EXOC6: variants seen among roughly 807,000 people sequenced by gnomAD.
EXOC6 encodes the protein exocyst complex component 6.
Under a neutral mutation model 112.5 loss-of-function variants are expected in EXOC6, and 60 were observed. The observed-to-expected ratio is 0.53, with a 90% CI of 0.43 to 0.66. The LOEUF is 0.66. Ranked by LOEUF, EXOC6 falls within the 30% of genes least tolerant of loss-of-function variation. The pLI, the probability that EXOC6 is intolerant of heterozygous loss-of-function variation, is 0.00. For missense variants in EXOC6, 855 were observed against 957.1 expected, an observed-to-expected ratio of 0.89 and a Z score of 1.41; for synonymous variants, 295 against 308.0, an observed-to-expected ratio of 0.96 and a Z score of 0.44.
intron 19 of EXOC6, among the ~76,000 whole-genome samples, chr10:93,005,731 G>C (rs1843947223): frequency 6.6e-6 from 1 of 152,190 alleles, no homozygotes; most frequent in South Asian, 2.1e-4. Flanking sequence ...TTTAACATCT[G>C]AAATCTGTAG....
Position 92,955,609 on chromosome 10 carries a change from C to A in EXOC6, c.1668C>A (p.His556Gln), listed in dbSNP as rs137914626. ...ELVQIIINTT[H>Q]LEQACKYLED... ...TACAAATCATCATAAACACAACACA[C>A]CTGGAGCAAGCTTGTAAATATCTTG... Residue 556 changes from histidine (H) to glutamine (Q), a missense_variant, in exon 17 of 22, where the codon CAC (histidine) becomes CAA (glutamine). His to Gln is a conservative substitution (Grantham distance 24). Around this residue, in one of 2 missense-constraint regions of EXOC6, gnomAD observed 450 missense variants for 563.5 expected, o/e 0.80. Coordinates refer to ENST00000260762, the MANE Select transcript of EXOC6 (RefSeq NM_019053.6). 149 of 1,611,220 alleles carry A rather than the reference C, an allele frequency of 9.2e-5. No homozygotes were observed. Among genetic ancestry groups the A allele is most frequent in the Non-Finnish European group, 1.2e-4 (143 of 1,178,532 alleles).
At chr10:92,950,592 A>G (rs1853349685) in intron 14 of EXOC6, among the ~76,000 whole-genome samples, 1 of 152,172 alleles carries the variant, frequency 6.6e-6, no homozygotes, top group Non-Finnish European at 1.5e-5. Flanking sequence ...ATTGCTTAAG[A>G]TAGGGGATGC....
intron 1 of EXOC6, among the ~76,000 whole-genome samples, chr10:92,891,657 T>C (rs1409908303): frequency 6.6e-6 from 1 of 152,110 alleles, no homozygotes; most frequent in Non-Finnish European, 1.5e-5. Flanking sequence ...AATTTTTGTA[T>C]TTTTAGTAGA....
chr10:92,832,022 A>C (rs1846499869), upstream of EXOC6, among the ~76,000 whole-genome samples: 1 of 152,264 alleles, frequency 6.6e-6, no homozygotes, highest in African/African-American at 2.4e-5. Flanking sequence ...GTATGTGTTC[A>C]TGAATATGTG....
intron 19 of EXOC6, among the ~76,000 whole-genome samples, chr10:93,006,132 C>G (rs1350894105): frequency 6.6e-6 from 1 of 151,934 alleles, no homozygotes; most frequent in Non-Finnish European, 1.5e-5. Context: ...TGTACTCCCG[C>G]CTGGGTGACA....
At chr10:92,990,130 T>C (rs2134152572) in intron 18 of EXOC6, among the ~76,000 whole-genome samples, 1 of 152,308 alleles carries the variant, frequency 6.6e-6, no homozygotes, top group African/African-American at 2.4e-5. Flanking sequence ...AGAATTTTTT[T>C]CTTATTAAGC....
intron 1 of EXOC6, among the ~76,000 whole-genome samples, chr10:92,853,101 T>C (rs1206319479): frequency 6.6e-6 from 1 of 152,196 alleles, no homozygotes; most frequent in African/African-American, 2.4e-5. Flanking sequence ...TGTTTCTCTG[T>C]ACTAGCAACA....
intron 14 of EXOC6, 120 bp from the exon 15 acceptor site, chr10:92,952,151 CAG>C (rs762720899): frequency 4.9e-5 from 30 of 609,530 alleles, no homozygotes; most frequent in Middle Eastern, 3.4e-4. Flanking sequence ...AGAAATATAA[CAG>C]AGTTTTTGAT....
chr10:93,050,747 G>C (rs1454225657), intron 20 of EXOC6, among the ~76,000 whole-genome samples: 2 of 15,728 alleles, frequency 1.3e-4, no homozygotes, highest in Non-Finnish European at 3.3e-4. Flanking sequence ...GCAACAAAGC[G>C]AGACTCCGTC....
chr10:92,909,854 G>A (rs939654350), intron 6 of EXOC6, among the ~76,000 whole-genome samples: 4 of 152,004 alleles, frequency 2.6e-5, no homozygotes, highest in African/African-American at 9.7e-5. Flanking sequence ...TTTAGTTACT[G>A]CCCGAACTCT....
intron 21 of EXOC6, among the ~76,000 whole-genome samples, chr10:93,057,733 A>T (rs1421684549): frequency 6.6e-6 from 1 of 152,182 alleles, no homozygotes; most frequent in Admixed American, 6.5e-5. Context: ...ATTTTCCTAT[A>T]TTTCAAAATA....
At chr10:93,034,237 T>C (rs1188538989) in intron 20 of EXOC6, among the ~76,000 whole-genome samples, 2 of 152,204 alleles carry the variant, frequency 1.3e-5, no homozygotes, top group Non-Finnish European at 2.9e-5. Flanking sequence ...CTATTGGTTT[T>C]TAACACTTCA....
At chr10:92,879,721 A>G (rs962390596) in intron 1 of EXOC6, among the ~76,000 whole-genome samples, 5 of 152,182 alleles carry the variant, frequency 3.3e-5, no homozygotes, top group Non-Finnish European at 4.4e-5. Context: ...TAACTTTTAT[A>G]TATTTATTGC....
chr10:92,917,920 G>T (rs527701101), intron 7 of EXOC6, among the ~76,000 whole-genome samples: 1 of 152,290 alleles, frequency 6.6e-6, no homozygotes, highest in Non-Finnish European at 1.5e-5. Flanking sequence ...GGGAGGCCGA[G>T]GGGGGCAGAT....
chr10:93,028,916 T>C (rs897213441), intron 20 of EXOC6, among the ~76,000 whole-genome samples: 9 of 151,794 alleles, frequency 5.9e-5, no homozygotes, highest in Non-Finnish European at 1.2e-4. Context: ...AAGGATTGAC[T>C]CCAATTTTGA....
At chr10:92,863,459 C>T (rs143513910) in intron 1 of EXOC6, among the ~76,000 whole-genome samples, 1,906 of 152,144 alleles carry the variant, frequency 0.013, 30 homozygotes, top group Non-Finnish European at 0.021. Context: ...CTCTGGGAAA[C>T]CTTAAAGATA....
chr10:92,863,110 G>A (rs1442550141), intron 1 of EXOC6, among the ~76,000 whole-genome samples: 1 of 152,156 alleles, frequency 6.6e-6, no homozygotes, highest in Non-Finnish European at 1.5e-5. Context: ...ATTAATCAGT[G>A]TAACCAATAA....
At chr10:92,881,603 C>A (rs189094606) in intron 1 of EXOC6, among the ~76,000 whole-genome samples, 3 of 152,240 alleles carry the variant, frequency 2.0e-5, no homozygotes. Context: ...AGGAATCTTC[C>A]TTTTTCTTGA....
At chr10:93,058,113 A>C (rs1171417169) in intron 21 of EXOC6, 110 bp from the exon 22 acceptor site, 1 of 927,102 alleles carries the variant, frequency 1.1e-6, no homozygotes. Flanking sequence ...TATATTTTTC[A>C]AGCATAGGAT....
Sources: gnomAD v4.1 joint callset for allele counts (sites outside exome capture counted in the v4.1 genomes callset) on GRCh38, gnomAD v4.1.1 for gene constraint, gnomAD v4.1.1 regional missense constraint, MANE v1.5 for transcripts, NCBI Gene and HGNC (gene_info 2026-07-23, HGNC 2026-07-21) for gene names.